ADPRHL1: variants seen among roughly 807,000 people sequenced by gnomAD.
The protein encoded by ADPRHL1 is inactive ADP-ribosyltransferase ARH2.
ADPRHL1 carries 43 observed loss-of-function variants against 44.1 expected under a neutral mutation model. The observed-to-expected ratio is 0.98, with a 90% CI of 0.76 to 1.26. The LOEUF is 1.26. ADPRHL1 is among the 50% of genes most tolerant of loss of function. The pLI, the probability that ADPRHL1 is intolerant of heterozygous loss-of-function variation, is 0.00. For missense variants in ADPRHL1, 2,022 were observed against 2,496.9 expected, an observed-to-expected ratio of 0.81 and a Z score of 4.05; for synonymous variants, 878 against 1,017.4, an observed-to-expected ratio of 0.86 and a Z score of 2.61.
At chr13:113,432,930 C>A (rs2044017291) in intron 3 of ADPRHL1, among the ~76,000 whole-genome samples, 1 of 152,186 alleles carries the variant, frequency 6.6e-6, no homozygotes, top group Admixed American at 6.5e-5. Flanking sequence ...TCCTCATTAC[C>A]TTTCAAAGTC....
At chr13:113,435,402 G>A (rs2044045823) in intron 2 of ADPRHL1, among the ~76,000 whole-genome samples, 3 of 136,308 alleles carry the variant, frequency 2.2e-5, no homozygotes, top group African/African-American at 8.7e-5. Flanking sequence ...TGGCACCCAG[G>A]TGTAGAGTGA....
intron 6 of ADPRHL1, among the ~76,000 whole-genome samples, chr13:113,423,765 C>T (rs2043943575): frequency 6.6e-6 from 1 of 152,358 alleles, no homozygotes; most frequent in African/African-American, 2.4e-5. Flanking sequence ...GACCTAACTC[C>T]AGGCCACAGT....
chr13:113,450,878 G>A (rs1047777500), intron 1 of ADPRHL1, among the ~76,000 whole-genome samples: 23 of 152,010 alleles, frequency 1.5e-4, no homozygotes, highest in Non-Finnish European at 2.8e-4. Context: ...AACTGCGGGC[G>A]AGCCTGACTC....
chr13:113,410,616 A>G (rs1208534907), intron 7 of ADPRHL1, among the ~76,000 whole-genome samples: 1 of 152,188 alleles, frequency 6.6e-6, no homozygotes, highest in East Asian at 1.9e-4. Flanking sequence ...ATTGGAGCCC[A>G]CCCAGGAAGG....
chr13:113,447,061 A>T (rs2044145241), intron 1 of ADPRHL1, among the ~76,000 whole-genome samples: 1 of 140,974 alleles, frequency 7.1e-6, no homozygotes, highest in Non-Finnish European at 1.5e-5. Flanking sequence ...TTGTGTGTGC[A>T]TGGTGTCTAC....
rs2043810055 is a variant in ADPRHL1 at position 113,406,536 on chromosome 13, A to C, written c.2746T>G (p.Ser916Ala). 1 of 1,231,894 alleles carries C rather than the reference A, an allele frequency of 8.1e-7. No individual in the cohort carries two copies. Among genetic ancestry groups the C allele is most frequent in the Non-Finnish European group, 1.0e-6 (1 of 987,972 alleles). 76.3% of individuals were successfully genotyped at this position (1,231,894 alleles called of 1,614,324 possible). ...GGAGCTGCCCGTGGCCCCTGCGGCG[A>C]AGAGGCGCTGAGTCCCGCCTGCATC... ...SGMQAGLSAS[S>A]PQGPRAAPRL... The change falls in exon 8 of 8, where the codon TCG becomes GCG. Residue 916 changes from serine to alanine, a missense_variant. Around this residue, in one of 8 missense-constraint regions of ADPRHL1, gnomAD observed 1,221 missense variants for 1,517.8 expected, o/e 0.80. Transcript: ENST00000612156.
chr13:113,403,766 C>G lies in ADPRHL1; in HGVS notation c.5516G>C (p.Arg1839Thr), dbSNP rs1267400131. ...TCCACCATCCCTGGGGGCTGGGCTT[C>G]TGGACCCCCCACTCCTGCCAGCAGC... is the stretch of plus-strand genomic sequence containing the variant. ...VDAAGRSGGSRSPAPRDGGQS... is the reference protein window; with the variant it reads ...VDAAGRSGGSTSPAPRDGGQS... The change falls in exon 8 of 8, where the codon AGA becomes ACA. Residue 1839 changes from arginine to threonine, a missense_variant. By Grantham distance (71) the Arg-to-Thr change is moderately conservative. This residue lies in a region of ADPRHL1 where 205 missense variants were observed against 250.1 expected (regional missense o/e 0.82). Transcript: ENST00000612156. 2.4e-5 allele frequency: 29 copies of G among 1,232,842 alleles called. No individual in the cohort carries two copies. The highest frequency in any genetic ancestry group is 2.8e-5 in the Non-Finnish European group (28 of 988,956). The allele number at this position is 1,232,842 out of a possible 1,614,324, so 76.4% of individuals were successfully genotyped here. A position where few individuals can be genotyped will look rare whatever the true frequency, so the allele number is the denominator to read the frequency against.
At chr13:113,420,622 C>T (rs1039070566) in intron 7 of ADPRHL1, among the ~76,000 whole-genome samples, 5 of 152,056 alleles carry the variant, frequency 3.3e-5, no homozygotes, top group Non-Finnish European at 7.4e-5. Context: ...ACGTGTGTGA[C>T]GTGAGGCCCT....
Position 113,403,354 on chromosome 13 carries a change from G to A in ADPRHL1, c.*24C>T, listed in dbSNP as rs1318305864. On this transcript the variant is annotated 3_prime_UTR_variant, in exon 8 of 8. Coordinates refer to ENST00000612156, the MANE Select transcript of ADPRHL1 (RefSeq NM_001394807.1). ...ATGGGCGGATGTCACAGTGCTGGGC[G>A]AGCCACGGTGTGTACTCGGGGCCTC... The A allele has an allele frequency of 2.4e-6, 3 of 1,231,724 alleles. No individual in the cohort carries two copies. Among genetic ancestry groups the A allele is most frequent in the East Asian group, 3.2e-5 (1 of 31,704 alleles). The allele number at this position is 1,231,724 out of a possible 1,614,324, so 76.3% of individuals were successfully genotyped here. A position where few individuals can be genotyped will look rare whatever the true frequency, so the allele number is the denominator to read the frequency against.
intron 2 of ADPRHL1, among the ~76,000 whole-genome samples, chr13:113,439,307 G>C (rs573453948): frequency 6.1e-4 from 93 of 152,258 alleles, no homozygotes; most frequent in East Asian, 9.7e-4. Flanking sequence ...ATTTTTAGTA[G>C]AGGAGAGGGC....
At position 113,453,096 on chromosome 13, in the gene ADPRHL1, C is replaced by A. The variant is rs1178429871; in HGVS notation, c.214+128G>T. On this transcript the variant is annotated intron_variant, in intron 1 of 7. Coordinates refer to ENST00000612156, the MANE Select transcript of ADPRHL1 (RefSeq NM_001394807.1). The surrounding 1 kb of genome is among the most constrained non-coding windows in gnomAD (Gnocchi z 5.4). ...CAGATTAAATTGCCACTTTTAGCAG[C>A]GGTATCAGGTAACACCATCCGCTGA... is the stretch of plus-strand genomic sequence containing the variant. 1 of 946,740 alleles carries A rather than the reference C, an allele frequency of 1.1e-6. No individual in the cohort carries two copies. The highest frequency in any genetic ancestry group is 1.6e-6 in the Non-Finnish European group (1 of 636,538). 58.6% of individuals were successfully genotyped at this position (946,740 alleles called of 1,614,324 possible).
intron 2 of ADPRHL1, among the ~76,000 whole-genome samples, chr13:113,436,141 C>T (rs1260123811): frequency 6.2e-5 from 9 of 145,264 alleles, no homozygotes; most frequent in African/African-American, 1.8e-4. Context: ...AGGTGTACCC[C>T]GGGACCCGGC....
chr13:113,444,082 C>T lies in ADPRHL1; in HGVS notation c.379+343G>A, dbSNP rs569460716. ...GCCCCGCCTGTGTTCCTTGAACAGA[C>T]GCTCGTGCTGGCTGGGCTGACCAGG... On this transcript the variant is annotated intron_variant, in intron 2 of 7. Coordinates refer to ENST00000612156, the MANE Select transcript of ADPRHL1 (RefSeq NM_001394807.1). Among the ~76,000 whole-genome samples the T allele has an allele frequency of 2.3e-3, 349 of 152,158 alleles. 5 individuals carry two copies. Among genetic ancestry groups the T allele is most frequent in the African/African-American group, 7.8e-3 (324 of 41,508 alleles).
At position 113,400,858 on chromosome 13, in the gene ADPRHL1, C is replaced by T. The variant is rs891833986; in HGVS notation, c.*2520G>A. The T allele has an allele frequency of 6.6e-6, 1 of 152,236 alleles. No individual in the cohort carries two copies. Among genetic ancestry groups the T allele is most frequent in the Non-Finnish European group, 1.5e-5 (1 of 68,062 alleles). The allele number at this position is 152,236 out of a possible 1,614,324, so 9.4% of individuals were successfully genotyped here. A position where few individuals can be genotyped will look rare whatever the true frequency, so the allele number is the denominator to read the frequency against. ...CGCCAGACTGTGAGAGGGGTTCAGG[C>T]ACGACACTTCCGGAGCTGTCATCTG... On this transcript the variant is annotated 3_prime_UTR_variant, in exon 8 of 8. Transcript: ENST00000612156.
At chr13:113,431,875 C>T (rs1170754626) in intron 3 of ADPRHL1, among the ~76,000 whole-genome samples, 1 of 151,938 alleles carries the variant, frequency 6.6e-6, no homozygotes, top group Non-Finnish European at 1.5e-5. Flanking sequence ...ACCACCGTGC[C>T]CAGCTAATTT....
Position 113,406,455 on chromosome 13 carries a change from G to C in ADPRHL1, c.2827C>G (p.Leu943Val). Residue 943 changes from leucine to valine, a missense_variant, in exon 8 of 8, where the codon CTT (leucine) becomes GTT (valine). This residue lies in a region of ADPRHL1 where 1,221 missense variants were observed against 1,517.8 expected (regional missense o/e 0.80). Transcript: ENST00000612156. The part of the protein sequence containing the change: ...VGADHSVPET[L>V]LTQRLQTDPA... ...TCTGTCTGGAGTCTCTGTGTCAGAA[G>C]TGTCTCTGGGACACTGTGGTCGGCG... 8.1e-7 allele frequency: 1 copy of C among 1,232,024 alleles called. No homozygotes were observed. The highest frequency in any genetic ancestry group is 3.2e-5 in the East Asian group (1 of 31,704). 76.3% of individuals were successfully genotyped at this position (1,232,024 alleles called of 1,614,324 possible).
In ADPRHL1 at chr13:113,407,159, G is replaced by A; in HGVS notation, c.2123C>T (p.Ser708Phe). The change falls in exon 8 of 8, where the codon TCT becomes TTT. Residue 708 changes from serine (S) to phenylalanine (F), a missense_variant. Physicochemically the swap from Ser to Phe is radical, Grantham distance 155. This residue lies in a region of ADPRHL1 where 1,221 missense variants were observed against 1,517.8 expected (regional missense o/e 0.80). Transcript: ENST00000612156. ...DGHAVPSLAF[S>F]CAPCTGGVLP... ...GACTCCACCTGTGCAGGGAGCACAAGAGAAGGCCAGCGAGGGGACAGCGTG... is the reference window on the plus strand; with the variant it reads ...GACTCCACCTGTGCAGGGAGCACAAAAGAAGGCCAGCGAGGGGACAGCGTG... 1 of 1,232,262 alleles carries A rather than the reference G, an allele frequency of 8.1e-7. No homozygotes were observed. The highest frequency in any genetic ancestry group is 1.0e-6 in the Non-Finnish European group (1 of 988,052). The allele number at this position is 1,232,262 out of a possible 1,614,324, so 76.3% of individuals were successfully genotyped here.
At chr13:113,421,386 C>T (rs2043921337) in intron 7 of ADPRHL1, among the ~76,000 whole-genome samples, 1 of 146,688 alleles carries the variant, frequency 6.8e-6, no homozygotes, top group African/African-American at 2.5e-5. Flanking sequence ...ACACGCCCAC[C>T]CCCGGGACTT....
intron 3 of ADPRHL1, among the ~76,000 whole-genome samples, chr13:113,432,826 G>T (rs191751213): frequency 1.3e-4 from 20 of 152,352 alleles, no homozygotes; most frequent in Admixed American, 3.9e-4. Flanking sequence ...TTGGATGTGC[G>T]TGGGACTGGG....
Sources: allele counts gnomAD v4.1 joint callset (sites outside exome capture counted in the v4.1 genomes callset), GRCh38; gene constraint gnomAD v4.1.1; regional missense constraint gnomAD v4.1.1; non-coding constraint Gnocchi (gnomAD v3.1); transcripts MANE v1.5; gene names NCBI Gene and HGNC (gene_info 2026-07-23, HGNC 2026-07-21).